The following ASAP2 variants were observed in gnomAD, a reference collection of about 807,000 sequenced individuals.
ASAP2 encodes arf-GAP with SH3 domain, ANK repeat and PH domain-containing protein 2.
ASAP2 carries 45 observed loss-of-function variants against 131.4 expected under a neutral mutation model. The ratio of observed to expected loss-of-function variants is 0.34; its 90% CI spans 0.27 to 0.44. The LOEUF (loss-of-function observed/expected upper bound fraction) is 0.44, where lower values mean the gene tolerates loss of function less well. Among genes scored for constraint, ASAP2 ranks in the 20% least tolerant of loss-of-function variants. The pLI, the probability that ASAP2 is intolerant of heterozygous loss-of-function variation, is 1.00. For missense variants in ASAP2, 1,011 were observed against 1,297.0 expected, an observed-to-expected ratio of 0.78 and a Z score of 3.39; for synonymous variants, 510 against 503.0, an observed-to-expected ratio of 1.01 and a Z score of -0.19.
At chr2:9,246,526 A>G (rs1396167710) in intron 1 of ASAP2, among the ~76,000 whole-genome samples, 1 of 152,188 alleles carries the variant, frequency 6.6e-6, no homozygotes. Flanking sequence ...TCCTGGGCTC[A>G]AACAATCAGC....
chr2:9,384,322 G>A (rs1044943962), intron 20 of ASAP2, among the ~76,000 whole-genome samples: 17 of 152,232 alleles, frequency 1.1e-4, no homozygotes, highest in African/African-American at 3.4e-4. Flanking sequence ...GAGGCCAGAA[G>A]CAAGATGGAG....
chr2:9,393,949 T>A (rs1286074113), intron 24 of ASAP2, among the ~76,000 whole-genome samples: 1 of 152,184 alleles, frequency 6.6e-6, no homozygotes, highest in African/African-American at 2.4e-5. Flanking sequence ...TGTTTTCTAT[T>A]TTCCCAAGGT....
At chr2:9,286,315 A>T (rs139883054) in intron 2 of ASAP2, among the ~76,000 whole-genome samples, 2,187 of 152,128 alleles carry the variant, frequency 0.014, 34 homozygotes, top group Non-Finnish European at 0.02. Context: ...GGAAGATTAC[A>T]TGAACCTGGG....
At position 9,318,703 on chromosome 2, in the gene ASAP2, C is replaced by T. The variant is rs148195271; in HGVS notation, c.420+105C>T. 1,829 of 670,826 alleles carry T rather than the reference C, an allele frequency of 2.7e-3. 15 individuals carry two copies. Among genetic ancestry groups the T allele is most frequent in the South Asian group, 9.3e-3 (439 of 47,144 alleles). 41.6% of individuals were successfully genotyped at this position (670,826 alleles called of 1,614,324 possible). A position where few individuals can be genotyped will look rare whatever the true frequency, so the allele number is the denominator to read the frequency against. On this transcript the variant is annotated intron_variant, in intron 4 of 27. Coordinates refer to ENST00000281419, the MANE Select transcript of ASAP2 (RefSeq NM_003887.3). The stretch of plus-strand genomic sequence containing the variant: ...CCACGCCAGTACGTTCTCATTGGGA[C>T]GATAGGATGGCTCTTTTATCTCAGC...
Position 9,207,690 on chromosome 2 carries a change from C to G in ASAP2, c.126+460C>G, listed in dbSNP as rs578195044. ...CCGAGCGCCGCAGGGCCCCCACCCT[C>G]GGGTCCGCGGGTCCGGGGCATCCCG... On this transcript the variant is annotated intron_variant, in intron 1 of 27. Transcript: ENST00000281419. The surrounding 1 kb of genome is among the most constrained non-coding windows in gnomAD (Gnocchi z 4.1). 6.6e-6 allele frequency among the ~76,000 whole-genome samples: 1 copy of G among 152,022 alleles called. No individual in the cohort carries two copies. The highest frequency in any genetic ancestry group is 2.4e-5 in the African/African-American group (1 of 41,430).
chr2:9,369,886 G>A (rs1673799496), intron 16 of ASAP2, among the ~76,000 whole-genome samples: 1 of 152,184 alleles, frequency 6.6e-6, no homozygotes, highest in African/African-American at 2.4e-5. Flanking sequence ...CTCTTGCCCA[G>A]GCTGGAGTGC....
rs1376145140 is a variant in ASAP2 at position 9,281,211 on chromosome 2, G to C, written c.199+1822G>C. 1.3e-5 allele frequency among the ~76,000 whole-genome samples: 2 copies of C among 151,914 alleles called. No individual in the cohort carries two copies. Among genetic ancestry groups the C allele is most frequent in the Non-Finnish European group, 2.9e-5 (2 of 68,016 alleles). ...TGAGGGATATTTGATATTCTGGTCA[G>C]ACTCAAAAATGATTTTATAGTCATA... On this transcript the variant is annotated intron_variant, in intron 2 of 27. Coordinates refer to ENST00000281419, the MANE Select transcript of ASAP2 (RefSeq NM_003887.3). The surrounding 1 kb of genome is among the most constrained non-coding windows in gnomAD (Gnocchi z 4.0).
chr2:9,354,324 C>G (rs1350216372), intron 12 of ASAP2, among the ~76,000 whole-genome samples: 1 of 152,232 alleles, frequency 6.6e-6, no homozygotes, highest in Non-Finnish European at 1.5e-5. Context: ...CGATCGCCCC[C>G]TCTGTCTCCT....
chr2:9,354,135 C>T (rs1279783657), intron 12 of ASAP2, among the ~76,000 whole-genome samples: 1 of 152,186 alleles, frequency 6.6e-6, no homozygotes, highest in Non-Finnish European at 1.5e-5. Flanking sequence ...ACCCCATAGG[C>T]ACCCTGGGAG....
rs13432133 is a variant in ASAP2, at chr2:9,292,767, A to G, written c.200-4533A>G. On this transcript the variant is annotated intron_variant, in intron 2 of 27. Transcript: ENST00000281419. ...TAGACTGACATATCTTTCCCCAGGC[A>G]TTCATCCCAGCCATGAGCATATGTG... Among the ~76,000 whole-genome samples, 842 of 152,298 alleles carry G rather than the reference A, an allele frequency of 5.5e-3. 7 individuals carry two copies. The highest frequency in any genetic ancestry group is 0.015 in the African/African-American group (621 of 41,558).
At chr2:9,302,285 G>A (rs574679973) in intron 3 of ASAP2, among the ~76,000 whole-genome samples, 1 of 147,660 alleles carries the variant, frequency 6.8e-6, no homozygotes, top group African/African-American at 2.5e-5. Flanking sequence ...CGATCCTTCT[G>A]CCTCAGCCTC....
At chr2:9,403,171 C>T in intron 27 of ASAP2, 82 bp from the exon 28 acceptor site, 1 of 1,231,330 alleles carries the variant, frequency 8.1e-7, no homozygotes, top group Non-Finnish European at 1.2e-6. Context: ...CTTTTCTTCA[C>T]CAAACGCTCT....
At chr2:9,342,460 A>G (rs916039838) in intron 9 of ASAP2, among the ~76,000 whole-genome samples, 3 of 152,260 alleles carry the variant, frequency 2.0e-5, no homozygotes, top group Admixed American at 6.5e-5. Context: ...AGCCACAAGC[A>G]AAGAAGGAAC....
chr2:9,277,154 G>C (rs1257824126), intron 1 of ASAP2, among the ~76,000 whole-genome samples: 1 of 152,236 alleles, frequency 6.6e-6, no homozygotes, highest in Non-Finnish European at 1.5e-5. Context: ...GGAACTTAGA[G>C]CTCTGAGGAG....
At chr2:9,326,207 C>A (rs1171096786) in intron 6 of ASAP2, among the ~76,000 whole-genome samples, 5 of 152,168 alleles carry the variant, frequency 3.3e-5, no homozygotes, top group Non-Finnish European at 5.9e-5. Context: ...ATGGTGAGAC[C>A]TTGTCTCTAC....
In ASAP2 at chr2:9,251,352, C is replaced by A. The variant is rs1278253203; in HGVS notation, c.127-27965C>A. Among the ~76,000 whole-genome samples, 22 of 152,178 alleles carry A rather than the reference C, an allele frequency of 1.4e-4. No homozygotes were observed. The East Asian group carries it at 3.3e-3, about 23-fold the overall frequency. The stretch of plus-strand genomic sequence containing the variant: ...TTCTGGGCTCCATCTGCTTGGTACT[C>A]ACGTGTAACAGCCTTAGGGGACCTG... On this transcript the variant is annotated intron_variant, in intron 1 of 27. Coordinates refer to ENST00000281419, the MANE Select transcript of ASAP2 (RefSeq NM_003887.3).
chr2:9,333,539 C>T (rs748240939), intron 7 of ASAP2, among the ~76,000 whole-genome samples: 1 of 152,116 alleles, frequency 6.6e-6, no homozygotes, highest in Non-Finnish European at 1.5e-5. Context: ...GAAGCAGACA[C>T]ACCTTAGGAG....
At chr2:9,393,914 TCACCCCC>T (rs919482691) in intron 24 of ASAP2, among the ~76,000 whole-genome samples, 2 of 152,232 alleles carry the variant, frequency 1.3e-5, no homozygotes, top group Non-Finnish European at 2.9e-5. Context: ...TATTTGCTGC[TCACCCCC>T]CAGGTGGTCT....
intron 7 of ASAP2, among the ~76,000 whole-genome samples, chr2:9,333,731 G>A (rs546595914): frequency 6.6e-5 from 10 of 152,128 alleles, no homozygotes; most frequent in African/African-American, 1.2e-4. Context: ...TCCTTAGCTC[G>A]TGGAAATGCC....
Sources: gnomAD v4.1 joint callset for allele counts (sites outside exome capture counted in the v4.1 genomes callset) on GRCh38, gnomAD v4.1.1 for gene constraint, Gnocchi (gnomAD v3.1) non-coding constraint, MANE v1.5 for transcripts, NCBI Gene and HGNC (gene_info 2026-07-23, HGNC 2026-07-21) for gene names.